Variants in PCDH11X observed in about 807,000 individuals in gnomAD.
The protein encoded by PCDH11X is protocadherin 11 X-linked.
A neutral mutation model predicts 53.3 loss-of-function variants in PCDH11X; 18 were observed. The observed-to-expected ratio is 0.34, with a 90% CI of 0.23 to 0.50. The LOEUF (loss-of-function observed/expected upper bound fraction) is 0.50. Ranked by LOEUF, PCDH11X falls within the 20% of genes least tolerant of loss-of-function variation. PCDH11X has a pLI of 0.98. For synonymous variants in PCDH11X, 279 were observed against 393.3 expected, an observed-to-expected ratio of 0.71 and a Z score of 3.44; for missense variants, 570 against 1,032.4, an observed-to-expected ratio of 0.55 and a Z score of 6.14.
intron 8 of PCDH11X, among the ~76,000 whole-genome samples, chrX:92,275,878 G>A (rs423563): frequency 1.1e-4 from 12 of 108,484 alleles, no homozygotes; most frequent in Admixed American, 7.0e-4. Flanking sequence ...GATCAGTCCC[G>A]AAGGAAGGAG....
intron 6 of PCDH11X, among the ~76,000 whole-genome samples, chrX:91,959,028 A>C (rs2061748739): frequency 9.3e-6 from 1 of 107,160 alleles, no homozygotes; most frequent in Non-Finnish European, 1.9e-5. Flanking sequence ...AGCTATCGGT[A>C]GTGTCAATGG....
chrX:91,788,397 T>A (rs2147515002), intron 1 of PCDH11X, among the ~76,000 whole-genome samples: 1 of 112,490 alleles, frequency 8.9e-6, no homozygotes, highest in Non-Finnish European at 1.9e-5. Context: ...CAAGTATCAA[T>A]GCATTAAGTA....
intron 1 of PCDH11X, among the ~76,000 whole-genome samples, chrX:91,797,244 A>G (rs1935766813): frequency 9.0e-6 from 1 of 111,025 alleles, no homozygotes; most frequent in Non-Finnish European, 1.9e-5. Flanking sequence ...GAATGTGAAC[A>G]CACACACTTT....
chrX:92,077,499 A>G (rs184108544), intron 6 of PCDH11X, among the ~76,000 whole-genome samples: 1,558 of 110,007 alleles, frequency 0.014, 27 homozygotes, highest in African/African-American at 0.047. Flanking sequence ...ACAATATATA[A>G]CCATATAATA....
chrX:92,511,427 C>A (rs145134624), intron 10 of PCDH11X, among the ~76,000 whole-genome samples: 5,067 of 111,074 alleles, frequency 0.046, 90 homozygotes, highest in South Asian at 0.11. Context: ...GAGAGTCAGT[C>A]TGAGTTTGAT....
At chrX:92,107,864 A>G (rs1322780925) in intron 6 of PCDH11X, among the ~76,000 whole-genome samples, 2 of 112,082 alleles carry the variant, frequency 1.8e-5, no homozygotes, top group African/African-American at 6.5e-5. Context: ...AATCTCTTAA[A>G]ATACTTTACA....
chrX:92,435,135 G>T (rs758054241), intron 9 of PCDH11X, among the ~76,000 whole-genome samples: 1 of 110,779 alleles, frequency 9.0e-6, no homozygotes, highest in African/African-American at 3.3e-5. Context: ...GGAGTTGAAA[G>T]CCGAAATAGT....
At chrX:92,280,783 ATT>A (rs1283486107) in intron 8 of PCDH11X, among the ~76,000 whole-genome samples, 1 of 109,258 alleles carries the variant, frequency 9.2e-6, no homozygotes, top group Non-Finnish European at 1.9e-5. Flanking sequence ...AATCAAATAT[ATT>A]TTTTTTAAAA....
intron 8 of PCDH11X, among the ~76,000 whole-genome samples, chrX:92,340,261 A>T (rs2069722404): frequency 9.0e-6 from 1 of 110,514 alleles, no homozygotes; most frequent in Middle Eastern, 4.7e-3. Context: ...GCTGACACTG[A>T]ATGCCTGCAG....
intron 8 of PCDH11X, among the ~76,000 whole-genome samples, chrX:92,353,016 T>C: frequency 9.0e-6 from 1 of 111,697 alleles, no homozygotes; most frequent in Non-Finnish European, 1.9e-5. Context: ...GGAGCTGCAA[T>C]TTAGTTCTGC....
At chrX:92,378,961 A>G (rs1183491210) in intron 8 of PCDH11X, among the ~76,000 whole-genome samples, 1 of 113,020 alleles carries the variant, frequency 8.8e-6, no homozygotes, top group East Asian at 2.8e-4. Flanking sequence ...AACAGAACAG[A>G]ATATTTGAAT....
intron 10 of PCDH11X, among the ~76,000 whole-genome samples, chrX:92,590,547 T>A (rs1189302388): frequency 3.6e-5 from 4 of 110,087 alleles, no homozygotes; most frequent in Non-Finnish European, 7.6e-5. Flanking sequence ...ACCTACCTGG[T>A]GAACATGCTA....
At position 92,484,845 on chromosome X, in the gene PCDH11X, T is replaced by TA. The variant is rs199963951; in HGVS notation, c.3367+16531dup. On this transcript the variant is annotated intron_variant, in intron 10 of 10. Coordinates refer to ENST00000682573, the MANE Select transcript of PCDH11X (RefSeq NM_032968.5). ...ATCACCACTAAAGAACTTATTCATG[T>TA]AAAAAAAATTTTTTTAATGTGATTG... Among the ~76,000 whole-genome samples the TA allele has an allele frequency of 7.2e-3, 797 of 110,539 alleles. 6 individuals carry two copies. The highest frequency in any genetic ancestry group is 0.025 in the African/African-American group (759 of 30,412).
intron 6 of PCDH11X, among the ~76,000 whole-genome samples, chrX:92,093,589 A>G (rs1178886500): frequency 8.9e-6 from 1 of 111,919 alleles, no homozygotes; most frequent in Admixed American, 9.5e-5. Flanking sequence ...AAAAGTGAAT[A>G]GGCACAAATG....
At chrX:91,815,839 C>T (rs1936433364) in intron 4 of PCDH11X, among the ~76,000 whole-genome samples, 1 of 109,758 alleles carries the variant, frequency 9.1e-6, no homozygotes, top group African/African-American at 3.4e-5. Flanking sequence ...AATTAAGCAA[C>T]ATTATATAGT....
At chrX:91,958,728 T>G (rs113078582) in intron 6 of PCDH11X, among the ~76,000 whole-genome samples, 1 of 110,605 alleles carries the variant, frequency 9.0e-6, no homozygotes, top group African/African-American at 3.3e-5. Flanking sequence ...TCCCTCACCC[T>G]TTCTTGTTCC....
intron 5 of PCDH11X, among the ~76,000 whole-genome samples, chrX:91,847,541 C>T (rs1937750859): frequency 9.0e-6 from 1 of 111,012 alleles, no homozygotes; most frequent in Non-Finnish European, 1.9e-5. Flanking sequence ...TTCCATTTTA[C>T]ATCCTTCTTC....
chrX:91,896,524 A>G (rs1940760244), intron 6 of PCDH11X, among the ~76,000 whole-genome samples: 2 of 89,134 alleles, frequency 2.2e-5, no homozygotes, highest in South Asian at 1.3e-3. Flanking sequence ...TCTTTATGAG[A>G]TTTATTGTTT....
At chrX:92,108,339 C>T (rs1260468146) in intron 6 of PCDH11X, among the ~76,000 whole-genome samples, 2 of 111,988 alleles carry the variant, frequency 1.8e-5, no homozygotes, top group African/African-American at 3.2e-5. Flanking sequence ...TTTAGTATTT[C>T]TAAGGCTGAC....
Sources: allele counts gnomAD v4.1 joint callset (sites outside exome capture counted in the v4.1 genomes callset), GRCh38; gene constraint gnomAD v4.1.1; transcripts MANE v1.5; gene names NCBI Gene and HGNC (gene_info 2026-07-23, HGNC 2026-07-21).